SVIL: variants seen among roughly 807,000 people sequenced by gnomAD.
SVIL encodes archvillin.
SVIL carries 101 observed loss-of-function variants against 240.4 expected under a neutral mutation model. The ratio of observed to expected loss-of-function variants is 0.42; its 90% confidence interval spans 0.36 to 0.50. The LOEUF (loss-of-function observed/expected upper bound fraction) is 0.50, where lower values mean the gene tolerates loss of function less well. Among genes scored for constraint, SVIL ranks in the 20% least tolerant of loss-of-function variants. SVIL has a pLI of 0.01. For missense variants in SVIL, 2,512 were observed against 2,818.7 expected (o/e 0.89, Z 2.46); for synonymous variants, 999 against 1,100.0 (o/e 0.91, Z 1.82).
rs781086622 is a variant in SVIL, at chr10:29,480,755, T to C, written c.5159A>G (p.Gln1720Arg). ...GTCCAGGATGGTGCCTGCTGTCGTC[T>C]GGGGCATGGACACCATCCGTGTCAC... is the stretch of plus-strand genomic sequence containing the variant. ...YDVTRMVSMP[Q>R]TTAGTILDGV... Residue 1720 changes from glutamine to arginine, a missense_variant, in exon 29 of 38, where the codon CAG becomes CGG. Coordinates refer to ENST00000355867, the MANE Select transcript of SVIL (RefSeq NM_021738.3). 6.2e-7 allele frequency: 1 copy of C among 1,613,994 alleles called. No homozygotes were observed. The highest frequency in any genetic ancestry group is 8.5e-7 in the Non-Finnish European group (1 of 1,179,980).
At chr10:29,689,292 CT>C (rs925336353) in intron 1 of SVIL, among the ~76,000 whole-genome samples, 10 of 149,098 alleles carry the variant, frequency 6.7e-5, no homozygotes, top group African/African-American at 7.4e-5. Context: ...TCTTTGTTTT[CT>C]TTTTTTTTTG....
chr10:29,458,652 G>T, intron 36 of SVIL, 63 bp from the exon 37 acceptor site: 1 of 1,567,554 alleles, frequency 6.4e-7, no homozygotes, highest in Non-Finnish European at 8.6e-7. Context: ...GTTTTATTAA[G>T]TGCTTACAGA....
chr10:29,561,142 C>A (rs1954433006), intron 3 of SVIL, among the ~76,000 whole-genome samples: 1 of 152,112 alleles, frequency 6.6e-6, no homozygotes, highest in Non-Finnish European at 1.5e-5. Context: ...ACTTTTAAAG[C>A]ATGTTTTAAA....
chr10:29,661,019 T>G (rs1360400612), intron 2 of SVIL, among the ~76,000 whole-genome samples: 1 of 151,898 alleles, frequency 6.6e-6, no homozygotes, highest in African/African-American at 2.4e-5. Flanking sequence ...ATACAAAAAT[T>G]AGCCAGGTGT....
chr10:29,526,012 G>A (rs943386013), intron 13 of SVIL, among the ~76,000 whole-genome samples: 2 of 152,118 alleles, frequency 1.3e-5, no homozygotes, highest in East Asian at 1.9e-4. Flanking sequence ...TAGCTTTTGC[G>A]GTTTGGCTCA....
chr10:29,513,424 C>A (rs1173257441), intron 16 of SVIL, among the ~76,000 whole-genome samples: 2 of 152,042 alleles, frequency 1.3e-5, no homozygotes, highest in Admixed American at 1.3e-4. Flanking sequence ...CAAAAATTAG[C>A]CAGCGGGAGG....
chr10:29,573,169 A>G (rs1955527169), intron 1 of SVIL, among the ~76,000 whole-genome samples: 1 of 152,160 alleles, frequency 6.6e-6, no homozygotes, highest in African/African-American at 2.4e-5. Context: ...GGTACTGAGC[A>G]TAGTACCCAA....
chr10:29,525,016 C>T (rs552220237), intron 13 of SVIL, among the ~76,000 whole-genome samples: 16 of 152,168 alleles, frequency 1.1e-4, no homozygotes, highest in African/African-American at 2.4e-4. Context: ...GACAGAGAGG[C>T]GGCATTGTTA....
At position 29,593,982 on chromosome 10, in the gene SVIL, G is replaced by A. The variant is rs531061332; in HGVS notation, c.-200-24670C>T. Among the ~76,000 whole-genome samples, 398 of 152,260 alleles carry A rather than the reference G, an allele frequency of 2.6e-3. 1 individual carries two copies. Among genetic ancestry groups the A allele is most frequent in the African/African-American group, 9.1e-3 (377 of 41,536 alleles). ...GTTTTCAAGGCGGTGAAAATACCCC[G>A]TAGTGTACTACAGGTTGAGCATCCC... On this transcript the variant is annotated intron_variant, in intron 1 of 37. Coordinates refer to ENST00000355867, the MANE Select transcript of SVIL (RefSeq NM_021738.3).
chr10:29,630,692 C>A (rs1348549290), intron 1 of SVIL, among the ~76,000 whole-genome samples: 4 of 152,066 alleles, frequency 2.6e-5, no homozygotes, highest in Admixed American at 6.6e-5. Context: ...TATACAGAAA[C>A]CCCATCGGAC....
chr10:29,627,478 G>T (rs1957919879), intron 1 of SVIL, among the ~76,000 whole-genome samples: 1 of 152,074 alleles, frequency 6.6e-6, no homozygotes, highest in Non-Finnish European at 1.5e-5. Flanking sequence ...TCAATTTCCA[G>T]ATAAAATCTT....
At chr10:29,717,720 C>T (rs1430684677) in intron 1 of SVIL, among the ~76,000 whole-genome samples, 1 of 152,046 alleles carries the variant, frequency 6.6e-6, no homozygotes, top group Admixed American at 6.6e-5. Flanking sequence ...AAAGATGAAC[C>T]AGTTTTGTCA....
chr10:29,474,883 A>T (rs1946021746), intron 29 of SVIL, among the ~76,000 whole-genome samples: 1 of 152,246 alleles, frequency 6.6e-6, no homozygotes, highest in Admixed American at 6.5e-5. Flanking sequence ...CTGACATATC[A>T]CTTGAGCATA....
intron 1 of SVIL, among the ~76,000 whole-genome samples, chr10:29,699,279 T>C (rs1324586298): frequency 6.6e-6 from 1 of 151,986 alleles, no homozygotes; most frequent in Non-Finnish European, 1.5e-5. Context: ...CTGGCATGCA[T>C]CACCATGACC....
chr10:29,524,040 A>C lies in SVIL; in HGVS notation c.2587-13T>G, dbSNP rs781187738. The C allele has an allele frequency of 6.4e-7, 1 of 1,573,190 alleles. No individual in the cohort carries two copies. The highest frequency in any genetic ancestry group is 8.6e-7 in the Non-Finnish European group (1 of 1,163,510). On this transcript the variant is annotated splice_polypyrimidine_tract_variant and intron_variant, in intron 14 of 37. Coordinates refer to ENST00000355867, the MANE Select transcript of SVIL (RefSeq NM_021738.3). The stretch of plus-strand genomic sequence containing the variant: ...TTCCACTCTGCACCTGGAAGGACAC[A>C]GTTAAAAATTAAAAAGCTGCTTGAA...
At chr10:29,635,264 C>A (rs59944377), upstream of SVIL, among the ~76,000 whole-genome samples, 2 of 152,094 alleles carry the variant, frequency 1.3e-5, no homozygotes, top group African/African-American at 4.8e-5. Context: ...AGCACACAAT[C>A]GTTGACAAAG....
rs1288021752 is a variant in SVIL, at chr10:29,473,847, C to G, written c.5520G>C (p.Arg1840Ser). ...ALMTVELDEE[R>S]GAQVQVLQGK... ...GCTCCCCAGGACTCACCTGGGCCCC[C>G]CTTTCCTCGTCCAGCTCCACCGTCA... Residue 1840 changes from arginine (R) to serine (S), a missense_variant, in exon 30 of 38, where the codon AGG (arginine) becomes AGC (serine). Transcript: ENST00000355867. The G allele has an allele frequency of 2.5e-6, 4 of 1,613,870 alleles. No homozygotes were observed. The highest frequency in any genetic ancestry group is 2.2e-5 in the East Asian group (1 of 44,848).
In SVIL at chr10:29,534,007, A is replaced by G. The variant is rs556201174; in HGVS notation, c.909-549T>C. Among the ~76,000 whole-genome samples the G allele has an allele frequency of 3.3e-5, 5 of 152,348 alleles. No individual in the cohort carries two copies. The South Asian group carries it at 1.0e-3, about 32-fold the overall frequency. ...AATCACCTCTCTTTTAAAGCACTCAACTAGACATTCACAAGCTTTTTCATG... is the reference window on the plus strand; with the variant it reads ...AATCACCTCTCTTTTAAAGCACTCAGCTAGACATTCACAAGCTTTTTCATG... On this transcript the variant is annotated intron_variant, in intron 7 of 37. Coordinates refer to ENST00000355867, the MANE Select transcript of SVIL (RefSeq NM_021738.3).
intron 6 of SVIL, among the ~76,000 whole-genome samples, chr10:29,537,343 C>A (rs761567035): frequency 1.2e-4 from 18 of 152,112 alleles, no homozygotes; most frequent in Non-Finnish European, 2.5e-4. Context: ...CCTTAAACCG[C>A]AGGTAGGCTA....
Sources: gnomAD v4.1 joint callset for allele counts (sites outside exome capture counted in the v4.1 genomes callset) on GRCh38, gnomAD v4.1.1 for gene constraint, MANE v1.5 for transcripts, NCBI Gene and HGNC (gene_info 2026-07-23, HGNC 2026-07-21) for gene names.